Variants in PTPRG observed in about 807,000 individuals in gnomAD.
PTPRG encodes protein tyrosine phosphatase receptor type G.
A neutral mutation model predicts 165.3 loss-of-function variants in PTPRG; 102 were observed. That is an observed-to-expected ratio of 0.62 (90% CI 0.53 to 0.73). PTPRG has a LOEUF of 0.73. PTPRG is among the 30% of genes least tolerant of loss of function. The probability of loss-of-function intolerance (pLI) is 0.00; values close to 1 mark genes in which losing one functional copy is unlikely to be tolerated. For synonymous variants in PTPRG, 675 were observed against 669.5 expected, an observed-to-expected ratio of 1.01 and a Z score of -0.13; for missense variants, 1,866 against 1,861.4, an observed-to-expected ratio of 1.00 and a Z score of -0.05.
chr3:62,132,558 G>A lies in PTPRG; in HGVS notation c.616-44G>A, dbSNP rs886567295. The A allele has an allele frequency of 2.1e-6, 3 of 1,457,284 alleles. No individual in the cohort carries two copies. In the Admixed American group the frequency reaches 5.0e-5, roughly 24 times the overall value. 90.3% of individuals were successfully genotyped at this position (1,457,284 alleles called of 1,614,324 possible). On this transcript the variant is annotated intron_variant, in intron 5 of 29. Coordinates refer to ENST00000474889, the MANE Select transcript of PTPRG (RefSeq NM_002841.4). ...AGATTAAACTGAGACTGTTGTGCCTGATGCCAGAATAGATTTAACCAATCA... is the reference window on the plus strand; with the variant it reads ...AGATTAAACTGAGACTGTTGTGCCTAATGCCAGAATAGATTTAACCAATCA...
intron 2 of PTPRG, among the ~76,000 whole-genome samples, chr3:61,935,324 T>C (rs147613096): frequency 1.1e-3 from 168 of 152,324 alleles, no homozygotes; most frequent in African/African-American, 3.9e-3. Context: ...TACGTCCTGC[T>C]TCGTGTGCTT....
chr3:61,756,501 G>A (rs561892573), intron 2 of PTPRG, among the ~76,000 whole-genome samples: 198 of 152,280 alleles, frequency 1.3e-3, no homozygotes, highest in African/African-American at 4.4e-3. Flanking sequence ...ACTTGGCCAA[G>A]TTTGGGAATT....
At chr3:62,097,300 C>T (rs943315365) in intron 5 of PTPRG, among the ~76,000 whole-genome samples, 1 of 152,150 alleles carries the variant, frequency 6.6e-6, no homozygotes, top group African/African-American at 2.4e-5. Context: ...CTATTAAATG[C>T]AGTTCAGGAT....
chr3:62,093,674 G>A (rs2106803795), intron 5 of PTPRG, among the ~76,000 whole-genome samples: 1 of 152,312 alleles, frequency 6.6e-6, no homozygotes, highest in South Asian at 2.1e-4. Context: ...CAAGGGATTA[G>A]GAGCAGGTGC....
At chr3:61,758,721 A>C (rs1017449440) in intron 2 of PTPRG, among the ~76,000 whole-genome samples, 6 of 151,882 alleles carry the variant, frequency 4.0e-5, no homozygotes, top group Admixed American at 3.9e-4. Flanking sequence ...CCAAAGTGCC[A>C]CCACGCTCGG....
chr3:61,791,302 T>A (rs2034859658), intron 2 of PTPRG, among the ~76,000 whole-genome samples: 1 of 152,194 alleles, frequency 6.6e-6, no homozygotes, highest in African/African-American at 2.4e-5. Flanking sequence ...TTAGGCTTAC[T>A]CCCACAGAGT....
intron 2 of PTPRG, among the ~76,000 whole-genome samples, chr3:61,955,301 T>C (rs536239849): frequency 6.6e-6 from 1 of 152,318 alleles, no homozygotes; most frequent in South Asian, 2.1e-4. Flanking sequence ...TTTTTTCTCT[T>C]ACGCGAAGTA....
At position 62,224,540 on chromosome 3, in the gene PTPRG, G is replaced by C. The variant is rs1189084950; in HGVS notation, c.2288+5557G>C. Reference sequence around the variant, plus strand: ...ACAGATGAGGTAGGGGGAACACGTGGGTATTTGTTAAGCACTGCCACAGTA... The same window carrying C: ...ACAGATGAGGTAGGGGGAACACGTGCGTATTTGTTAAGCACTGCCACAGTA... On this transcript the variant is annotated intron_variant, in intron 13 of 29. Coordinates refer to ENST00000474889, the MANE Select transcript of PTPRG (RefSeq NM_002841.4). This position sits in a 1 kb window ranked among gnomAD's most constrained non-coding sequence, Gnocchi z 4.9. Among the ~76,000 whole-genome samples, 1 of 152,150 alleles carries C rather than the reference G, an allele frequency of 6.6e-6. No individual in the cohort carries two copies.
chr3:61,846,779 G>T (rs1249478583), intron 2 of PTPRG, among the ~76,000 whole-genome samples: 1 of 152,164 alleles, frequency 6.6e-6, no homozygotes, highest in Non-Finnish European at 1.5e-5. Flanking sequence ...GCCAGGTGTG[G>T]TGGCACATGC....
rs187058092 is a variant in PTPRG, at chr3:61,717,831, T to C, written c.86-31047T>C. Among the ~76,000 whole-genome samples the C allele has an allele frequency of 5.1e-3, 782 of 152,166 alleles. 7 individuals are homozygous for C. Among genetic ancestry groups the C allele is most frequent in the African/African-American group, 0.018 (744 of 41,514 alleles). On this transcript the variant is annotated intron_variant, in intron 1 of 29. Transcript: ENST00000474889. ...TAAATACCAAAAGATTTGTGTTTTATTGTAGGTATTAGAACATATTAAGCT... is the reference window on the plus strand; with the variant it reads ...TAAATACCAAAAGATTTGTGTTTTACTGTAGGTATTAGAACATATTAAGCT...
chr3:61,784,283 A>AT (rs1379784559), intron 2 of PTPRG, among the ~76,000 whole-genome samples: 1 of 152,024 alleles, frequency 6.6e-6, no homozygotes, highest in Non-Finnish European at 1.5e-5. Context: ...GGGTTGGGGG[A>AT]CGGGGTTAGG....
intron 8 of PTPRG, among the ~76,000 whole-genome samples, chr3:62,186,144 C>T (rs372139386): frequency 2.6e-5 from 4 of 152,114 alleles, no homozygotes; most frequent in African/African-American, 9.7e-5. Flanking sequence ...CGCCAAGCAT[C>T]GGTGGTTTTT....
chr3:62,173,383 G>T (rs1705293788), intron 8 of PTPRG, among the ~76,000 whole-genome samples: 2 of 152,066 alleles, frequency 1.3e-5, no homozygotes, highest in African/African-American at 4.8e-5. Flanking sequence ...ATATGTAAAT[G>T]AGCATAGAAA....
intron 3 of PTPRG, among the ~76,000 whole-genome samples, chr3:61,994,954 C>T (rs1039784954): frequency 2.6e-5 from 4 of 152,034 alleles, no homozygotes; most frequent in Non-Finnish European, 4.4e-5. Flanking sequence ...CCTGAAGAGC[C>T]GCTTGTCTCT....
chr3:61,640,098 A>T (rs1019773510), intron 1 of PTPRG, among the ~76,000 whole-genome samples: 9 of 152,166 alleles, frequency 5.9e-5, no homozygotes, highest in Non-Finnish European at 1.2e-4. Flanking sequence ...GGAGACTTTC[A>T]CTGCTTTGCC....
chr3:61,934,666 C>T (rs1261053301), intron 2 of PTPRG, among the ~76,000 whole-genome samples: 1 of 152,066 alleles, frequency 6.6e-6, no homozygotes, highest in Non-Finnish European at 1.5e-5. Flanking sequence ...ATGTCTCATT[C>T]CCTTTTAAGA....
chr3:61,964,547 C>T (rs1363073123), intron 2 of PTPRG, among the ~76,000 whole-genome samples: 1 of 152,134 alleles, frequency 6.6e-6, no homozygotes, highest in East Asian at 1.9e-4. Flanking sequence ...TAGTTGAATT[C>T]CAAATCGCTG....
intron 4 of PTPRG, among the ~76,000 whole-genome samples, chr3:62,018,058 TCATAC>T (rs2041594824): frequency 1.3e-5 from 2 of 152,168 alleles, no homozygotes; most frequent in Non-Finnish European, 2.9e-5. Flanking sequence ...GGTCCAGTCC[TCATAC>T]CATCTCAGAA....
intron 11 of PTPRG, 63 bp downstream of exon 11, chr3:62,201,617 T>C (rs1314275344): frequency 6.5e-7 from 1 of 1,527,020 alleles, no homozygotes. Context: ...CAGTTAAAAC[T>C]GTCACCACGA....
Sources: allele counts gnomAD v4.1 joint callset (sites outside exome capture counted in the v4.1 genomes callset), GRCh38; gene constraint gnomAD v4.1.1; non-coding constraint Gnocchi (gnomAD v3.1); transcripts MANE v1.5; gene names NCBI Gene and HGNC (gene_info 2026-07-23, HGNC 2026-07-21).